The following SRPX2 variants were observed in gnomAD, a reference collection of about 807,000 sequenced individuals.
The protein encoded by SRPX2 is sushi repeat containing protein X-linked 2, also known as sushi repeat-containing protein SRPX2.
Under a neutral mutation model 45.3 loss-of-function variants are expected in SRPX2, and 26 were observed. The ratio of observed to expected loss-of-function variants is 0.57; its 90% CI spans 0.42 to 0.80. The LOEUF is 0.80. Among genes scored for constraint, SRPX2 ranks in the 30% least tolerant of loss-of-function variants. The pLI is 0.00. For synonymous variants in SRPX2, 125 were observed against 143.7 expected (o/e 0.87, Z 0.93); for missense variants, 355 against 399.8 (o/e 0.89, Z 0.95).
chrX:100,674,685 G>A lies in SRPX2; in HGVS notation c.*3698G>A, dbSNP rs1376556766. On this transcript the variant is annotated 3_prime_UTR_variant, in exon 11 of 11. Coordinates refer to ENST00000373004, the MANE Select transcript of SRPX2 (RefSeq NM_014467.3). ...AACCACTGTGGCTGCCCTTAATCCA[G>A]TGTGCTTATAGGAAATCAGTTAGCA... 9.0e-6 allele frequency: 1 copy of A among 111,566 alleles called. No individual in the cohort carries two copies. Among genetic ancestry groups the A allele is most frequent in the Non-Finnish European group, 1.9e-5 (1 of 53,135 alleles). The allele number at this position is 111,566 out of a possible 1,213,427, so 9.2% of individuals were successfully genotyped here. A position where few individuals can be genotyped will look rare whatever the true frequency, so the allele number is the denominator to read the frequency against.
chrX:100,665,791 A>T, intron 7 of SRPX2, 134 bp downstream of exon 7: 1 of 997,105 alleles, frequency 1.0e-6, no homozygotes, highest in Non-Finnish European at 1.4e-6. Flanking sequence ...CAAGTTCACC[A>T]AACAGGCTTA....
rs926192420 is a variant in SRPX2 at position 100,659,963 on chromosome X, A to G, written c.164-2213A>G. On this transcript the variant is annotated intron_variant, in intron 3 of 10. Coordinates refer to ENST00000373004, the MANE Select transcript of SRPX2 (RefSeq NM_014467.3). ...CCCCTTTAAACTCTGAACCCACTAA[A>G]GAGTCATTTATTTTGTATAGCCTGT... 5.2e-4 allele frequency among the ~76,000 whole-genome samples: 57 copies of G among 109,060 alleles called. 1 individual carries two copies. The highest frequency in any genetic ancestry group is 8.6e-4 in the Non-Finnish European group (45 of 52,512). 94.7% of individuals were successfully genotyped at this position (109,060 alleles called of 115,157 possible).
At chrX:100,650,333 G>T (rs2083148713) in intron 2 of SRPX2, 1 of 136,483 alleles carries the variant, frequency 7.3e-6, no homozygotes, top group Non-Finnish European at 1.5e-5. Flanking sequence ...TTTTTTTGAG[G>T]ACCATAAGCA....
rs111755422 is a variant in SRPX2 at position 100,644,801 on chromosome X, G to T, written c.-131+286G>T. On this transcript the variant is annotated intron_variant, in intron 1 of 10. Coordinates refer to ENST00000373004, the MANE Select transcript of SRPX2 (RefSeq NM_014467.3). ...AAGCTGGGCAGGTACGAGGTCACAGGTTCAGGGATCTGAAAAAGGAATGCC... is the reference window on the plus strand; with the variant it reads ...AAGCTGGGCAGGTACGAGGTCACAGTTTCAGGGATCTGAAAAAGGAATGCC... Among the ~76,000 whole-genome samples, 1,066 of 111,346 alleles carry T rather than the reference G, an allele frequency of 9.6e-3. 6 individuals carry two copies. The highest frequency in any genetic ancestry group is 0.023 in the Middle Eastern group (5 of 215).
intron 7 of SRPX2, 133 bp downstream of exon 7, chrX:100,665,790 C>A: frequency 1.0e-6 from 1 of 997,078 alleles, no homozygotes; most frequent in Non-Finnish European, 1.4e-6. Flanking sequence ...ACAAGTTCAC[C>A]AAACAGGCTT....
rs752553478 is a variant in SRPX2 at position 100,674,650 on chromosome X, A to T, written c.*3663A>T. The T allele has an allele frequency of 6.2e-5, 7 of 112,025 alleles. No homozygotes were observed. The highest frequency in any genetic ancestry group is 1.3e-4 in the Non-Finnish European group (7 of 53,206). The allele number at this position is 112,025 out of a possible 1,213,427, so 9.2% of individuals were successfully genotyped here. A position where few individuals can be genotyped will look rare whatever the true frequency, so the allele number is the denominator to read the frequency against. Reference sequence around the variant, plus strand: ...AAACATTCCTCCATTCGGTTCATACATACAGTAGAAACCACTGTGGCTGCC... The same window carrying T: ...AAACATTCCTCCATTCGGTTCATACTTACAGTAGAAACCACTGTGGCTGCC... On this transcript the variant is annotated 3_prime_UTR_variant, in exon 11 of 11. Transcript: ENST00000373004.
At position 100,645,420 on chromosome X, in the gene SRPX2, CAT is replaced by C. The variant is rs781566764; in HGVS notation, c.-130-772_-130-771del. Reference sequence around the variant, plus strand: ...AATTGGAGCTTGTTCACCCTCTCCTCATGTACCTCAGCAGGTCCTCCTCTACC... The same window carrying C: ...AATTGGAGCTTGTTCACCCTCTCCTCGTACCTCAGCAGGTCCTCCTCTACC... On this transcript the variant is annotated intron_variant, in intron 1 of 10. Coordinates refer to ENST00000373004, the MANE Select transcript of SRPX2 (RefSeq NM_014467.3). Among the ~76,000 whole-genome samples, 22 of 111,846 alleles carry C rather than the reference CAT, an allele frequency of 2.0e-4. 1 individual carries two copies. In the South Asian group the frequency reaches 7.6e-3, roughly 39 times the overall value.
intron 8 of SRPX2, 113 bp from the exon 9 acceptor site, chrX:100,667,160 GA>G: frequency 8.9e-7 from 1 of 1,122,609 alleles, no homozygotes; most frequent in Non-Finnish European, 1.2e-6. Flanking sequence ...AGGGATGGGA[GA>G]AACAGCCAGA....
intron 10 of SRPX2, among the ~76,000 whole-genome samples, chrX:100,670,423 C>A (rs1177489009): frequency 1.8e-5 from 2 of 111,664 alleles, no homozygotes; most frequent in Non-Finnish European, 3.8e-5. Flanking sequence ...AACCTAAGGG[C>A]TGCCATGTAT....
chrX:100,670,946 G>C lies in SRPX2; in HGVS notation c.1357G>C (p.Glu453Gln). 1 of 1,211,928 alleles carries C rather than the reference G, an allele frequency of 8.3e-7. No individual in the cohort carries two copies. Among genetic ancestry groups the C allele is most frequent in the Non-Finnish European group, 1.1e-6 (1 of 895,582 alleles). The change falls in exon 11 of 11, where the codon GAG (glutamate) becomes CAG (glutamine). Residue 453 changes from glutamate to glutamine, a missense_variant. Glu to Gln is a conservative substitution (Grantham distance 29, BLOSUM62 2). Coordinates refer to ENST00000373004, the MANE Select transcript of SRPX2 (RefSeq NM_014467.3). The stretch of plus-strand genomic sequence containing the variant: ...TGATGACTACCTACTGAGCAATCAG[G>C]AGTTGACCCAGCGTCGGGAGCAAAG... ...FIDDYLLSNQ[E>Q]LTQRREQRDI... is the part of the protein sequence containing the mutation.
In SRPX2 at chrX:100,671,111, T is replaced by C; in HGVS notation, c.*124T>C. The C allele has an allele frequency of 2.5e-6, 2 of 805,074 alleles. No homozygotes were observed. Among genetic ancestry groups the C allele is most frequent in the East Asian group, 3.4e-5 (1 of 29,006 alleles). 66.3% of individuals were successfully genotyped at this position (805,074 alleles called of 1,213,427 possible). ...GGACAGGACTCTGAGGTGGGTGAGT[T>C]TGACAAATCCTGCGGTGTTTCCAGG... On this transcript the variant is annotated 3_prime_UTR_variant, in exon 11 of 11. Coordinates refer to ENST00000373004, the MANE Select transcript of SRPX2 (RefSeq NM_014467.3).
rs150597837 is a variant in SRPX2 at position 100,666,565 on chromosome X, C to T, written c.782-189C>T. Among the ~76,000 whole-genome samples, 554 of 112,600 alleles carry T rather than the reference C, an allele frequency of 4.9e-3. 4 individuals carry two copies. The highest frequency in any genetic ancestry group is 0.017 in the African/African-American group (536 of 31,015). On this transcript the variant is annotated intron_variant, in intron 7 of 10. Coordinates refer to ENST00000373004, the MANE Select transcript of SRPX2 (RefSeq NM_014467.3). ...GTTTCCAGACTTTACAAACCTTTGT[C>T]TGCATTTCAGATTTAATTCCTTAAG...
chrX:100,663,162 G>A (rs766068063), intron 4 of SRPX2, among the ~76,000 whole-genome samples: 3 of 110,685 alleles, frequency 2.7e-5, no homozygotes, highest in Non-Finnish European at 5.7e-5. Context: ...CGCTGTAGAC[G>A]AGAAAAGAAG....
rs1469075475 is a variant in SRPX2 at position 100,649,122 on chromosome X, CTTG to C, written c.83-1654_83-1652del. On this transcript the variant is annotated intron_variant, in intron 2 of 10. Transcript: ENST00000373004. The stretch of plus-strand genomic sequence containing the variant: ...GTTAGCAGTCATTGTCGTAGTTGTT[CTTG>C]TTGTTGTTACTGTTACCAAGCCACA... The C allele has an allele frequency of 4.5e-5, 5 of 112,352 alleles. No homozygotes were observed. The Admixed American group carries it at 4.7e-4, about 11-fold the overall frequency. 9.3% of individuals were successfully genotyped at this position (112,352 alleles called of 1,213,427 possible).
At chrX:100,654,063 T>C (rs2083161423) in intron 3 of SRPX2, among the ~76,000 whole-genome samples, 1 of 112,393 alleles carries the variant, frequency 8.9e-6, no homozygotes, top group African/African-American at 3.2e-5. Flanking sequence ...AGCCAGATTA[T>C]GGGAGACTAT....
rs145337740 is a variant in SRPX2 at position 100,650,496 on chromosome X, G to A, written c.83-289G>A. 8.9e-5 allele frequency among the ~76,000 whole-genome samples: 10 copies of A among 111,741 alleles called. 1 individual carries two copies. The East Asian group carries it at 2.5e-3, about 28-fold the overall frequency. ...TATAGTCCAGATTGACAGGATTGAT[G>A]TATGGTCAGGTTCAATTTTTTTCTT... On this transcript the variant is annotated intron_variant, in intron 2 of 10. Transcript: ENST00000373004.
Position 100,662,246 on chromosome X carries a change from T to C in SRPX2, c.234T>C (p.Asn78=), listed in dbSNP as rs1303781729. 8.3e-7 allele frequency: 1 copy of C among 1,211,706 alleles called. No individual in the cohort carries two copies. The highest frequency in any genetic ancestry group is 1.1e-6 in the Non-Finnish European group (1 of 895,532). Residue 78 remains asparagine (N), a synonymous_variant, in exon 4 of 11, where the codon AAT becomes AAC. Transcript: ENST00000373004. ...EATCYSPKGG[N]YHSSLGTRCE... is the part of the protein sequence containing the mutation. Reference sequence around the variant, plus strand: ...CATGCTACTCACCGAAGGGAGGAAATTATCACAGCAGCCTGGGCACGCGTT... The same window carrying C: ...CATGCTACTCACCGAAGGGAGGAAACTATCACAGCAGCCTGGGCACGCGTT...
chrX:100,664,376 T>C (rs888775791), intron 4 of SRPX2, among the ~76,000 whole-genome samples: 1 of 111,421 alleles, frequency 9.0e-6, no homozygotes, highest in African/African-American at 3.3e-5. Context: ...TCCCCTGTTG[T>C]CAACATCCCC....
chrX:100,669,192 A>G, intron 9 of SRPX2, 56 bp from the exon 10 acceptor site: 1 of 1,207,751 alleles, frequency 8.3e-7, no homozygotes, highest in Non-Finnish European at 1.1e-6. Flanking sequence ...TCAGCCAAGT[A>G]GCCTTAGGTT....
Sources: gnomAD v4.1 joint callset for allele counts (sites outside exome capture counted in the v4.1 genomes callset) on GRCh38, gnomAD v4.1.1 for gene constraint, MANE v1.5 for transcripts, NCBI Gene and HGNC (gene_info 2026-07-23, HGNC 2026-07-21) for gene names.